PID1: variants seen among roughly 807,000 people sequenced by gnomAD.
PID1 encodes phosphotyrosine interaction domain containing 1.
A neutral mutation model predicts 19.1 loss-of-function variants in PID1; 10 were observed. The ratio of observed to expected loss-of-function variants is 0.52; its 90% CI spans 0.32 to 0.89. The LOEUF (loss-of-function observed/expected upper bound fraction) is 0.89, where lower values mean the gene tolerates loss of function less well. PID1 is among the 40% of genes least tolerant of loss of function. The pLI, the probability that PID1 is intolerant of heterozygous loss-of-function variation, is 0.03. For synonymous variants in PID1, 130 were observed against 116.0 expected (o/e 1.12, Z -0.78); for missense variants, 248 against 285.3 (o/e 0.87, Z 0.94).
intron 1 of PID1, among the ~76,000 whole-genome samples, chr2:229,172,806 A>AGTGAG (rs1690737335): frequency 1.3e-5 from 2 of 152,114 alleles, no homozygotes; most frequent in Non-Finnish European, 2.9e-5. Context: ...ATCTCAGCTC[A>AGTGAG]CTGTAACCTC....
intron 1 of PID1, among the ~76,000 whole-genome samples, chr2:229,212,100 G>A (rs1294141796): frequency 2.4e-3 from 8 of 3,386 alleles, no homozygotes; most frequent in African/African-American, 2.6e-3. Flanking sequence ...TGTAAAGTTA[G>A]GTCTTTATTA....
Position 229,193,328 on chromosome 2 carries a change from T to C in PID1, c.31-37364A>G, listed in dbSNP as rs139674928. 1.1e-3 allele frequency among the ~76,000 whole-genome samples: 160 copies of C among 152,322 alleles called. 1 individual carries two copies. Among genetic ancestry groups the C allele is most frequent in the African/African-American group, 3.6e-3 (151 of 41,568 alleles). On this transcript the variant is annotated intron_variant, in intron 1 of 2. Transcript: ENST00000392055. ...TCTTGGGATAGTCAGACTTTGTTCA[T>C]GGTGGCTCAGAGCTTCCAGAGAGCT...
At chr2:229,207,019 C>T (rs1691624017) in intron 1 of PID1, among the ~76,000 whole-genome samples, 1 of 152,114 alleles carries the variant, frequency 6.6e-6, no homozygotes, top group Non-Finnish European at 1.5e-5. Flanking sequence ...TGGGAGATGA[C>T]TAAGTTTTGA....
rs181501796 is a variant in PID1 at position 229,095,148 on chromosome 2, G to A, written c.177+60670C>T. Among the ~76,000 whole-genome samples, 12 of 152,176 alleles carry A rather than the reference G, an allele frequency of 7.9e-5. No individual in the cohort carries two copies. In the East Asian group the frequency reaches 2.3e-3, roughly 29 times the overall value. On this transcript the variant is annotated intron_variant, in intron 2 of 2. Transcript: ENST00000392055. ...CCCTAACCTAAACCACACAAACACA[G>A]AGAGACCCCGGTTTCTCCTCTTAGA...
At chr2:229,051,010 C>T (rs73099435) in intron 2 of PID1, among the ~76,000 whole-genome samples, 23,342 of 152,034 alleles carry the variant, frequency 0.15, 2,726 homozygotes, top group African/African-American at 0.31. Flanking sequence ...GGCAGGAAGG[C>T]CAGTTGAAAA....
intron 2 of PID1, among the ~76,000 whole-genome samples, chr2:229,028,825 G>C (rs1693482025): frequency 6.6e-6 from 1 of 152,142 alleles, no homozygotes; most frequent in South Asian, 2.1e-4. Flanking sequence ...AGCGTATTAT[G>C]AGCTGTTGCC....
Position 229,139,146 on chromosome 2 carries a change from A to AAGC in PID1, c.177+16671_177+16672insGCT, listed in dbSNP as rs1689955941. On this transcript the variant is annotated intron_variant, in intron 2 of 2. Coordinates refer to ENST00000392055, the MANE Select transcript of PID1 (RefSeq NM_001100818.2). ...GAAAGAAAGAAAGAAAGAAAGAAAGAAAGCAAGCGAGCGAGCAAGCGAGCT... is the reference window on the plus strand; with the variant it reads ...GAAAGAAAGAAAGAAAGAAAGAAAGAAGCAAGCAAGCGAGCGAGCAAGCGAGCT... Among the ~76,000 whole-genome samples the AAGC allele has an allele frequency of 1.1e-4, 12 of 109,034 alleles. 1 individual carries two copies. Among genetic ancestry groups the AAGC allele is most frequent in the South Asian group, 4.5e-4 (1 of 2,212 alleles). The allele number at this position is 109,034 out of a possible 152,430, so 71.5% of individuals were successfully genotyped here. A position where few individuals can be genotyped will look rare whatever the true frequency, so the allele number is the denominator to read the frequency against.
At chr2:229,210,341 T>A (rs1273281251) in intron 1 of PID1, among the ~76,000 whole-genome samples, 1 of 150,846 alleles carries the variant, frequency 6.6e-6, no homozygotes, top group African/African-American at 2.4e-5. Flanking sequence ...TGAAACCCCG[T>A]CTCTATTAAA....
At chr2:229,089,966 A>G (rs535638554) in intron 2 of PID1, among the ~76,000 whole-genome samples, 12 of 152,340 alleles carry the variant, frequency 7.9e-5, no homozygotes, top group African/African-American at 2.6e-4. Flanking sequence ...TTTCTAAGTA[A>G]GTAAAAAACC....
chr2:229,161,906 A>G (rs1690499477), intron 1 of PID1, among the ~76,000 whole-genome samples: 1 of 152,228 alleles, frequency 6.6e-6, no homozygotes, highest in South Asian at 2.1e-4. Flanking sequence ...CATGTCAAAA[A>G]CAGTATCAGT....
intron 2 of PID1, among the ~76,000 whole-genome samples, chr2:229,138,752 C>T (rs1689908405): frequency 2.0e-5 from 3 of 151,852 alleles, no homozygotes; most frequent in African/African-American, 7.2e-5. Flanking sequence ...TAGTGTATTT[C>T]ACTTCCTGGA....
At chr2:229,220,916 A>T (rs2106258309) in intron 1 of PID1, among the ~76,000 whole-genome samples, 1 of 152,016 alleles carries the variant, frequency 6.6e-6, no homozygotes, top group East Asian at 1.9e-4. Context: ...GAAAAAAAAA[A>T]TTTAAAAAAA....
At chr2:229,198,480 A>T (rs1292550048) in intron 1 of PID1, among the ~76,000 whole-genome samples, 3 of 152,056 alleles carry the variant, frequency 2.0e-5, no homozygotes, top group Non-Finnish European at 4.4e-5. Flanking sequence ...ATCCTCTGTG[A>T]TCCAGGTTCC....
At chr2:229,123,861 CTTTTT>C (rs1370697932) in intron 2 of PID1, among the ~76,000 whole-genome samples, 1 of 152,124 alleles carries the variant, frequency 6.6e-6, no homozygotes, top group Non-Finnish European at 1.5e-5. Context: ...TTAGTTGGTT[CTTTTT>C]TTATTATTCA....
intron 1 of PID1, among the ~76,000 whole-genome samples, chr2:229,225,456 G>A (rs1692057636): frequency 6.6e-6 from 1 of 152,100 alleles, no homozygotes; most frequent in African/African-American, 2.4e-5. Flanking sequence ...GAAGCAACTG[G>A]AGAAAGACAT....
intron 1 of PID1, among the ~76,000 whole-genome samples, chr2:229,217,648 G>C (rs1299651581): frequency 6.6e-6 from 1 of 152,078 alleles, no homozygotes; most frequent in Admixed American, 6.5e-5. Flanking sequence ...TATAAAGAAG[G>C]TCTCCAAAAG....
At chr2:229,267,273 A>G (rs192714990) in intron 1 of PID1, among the ~76,000 whole-genome samples, 2 of 152,338 alleles carry the variant, frequency 1.3e-5, no homozygotes, top group Admixed American at 1.3e-4. Flanking sequence ...GTACACAGAC[A>G]TTGGCCACAA....
intron 1 of PID1, among the ~76,000 whole-genome samples, chr2:229,179,739 T>G (rs778478688): frequency 2.0e-5 from 3 of 152,176 alleles, no homozygotes; most frequent in Non-Finnish European, 4.4e-5. Context: ...AAATGCCAGA[T>G]TTTATCTAGC....
intron 2 of PID1, among the ~76,000 whole-genome samples, chr2:229,124,725 A>AT (rs1237759432): frequency 6.6e-6 from 1 of 152,118 alleles, no homozygotes; most frequent in East Asian, 1.9e-4. Context: ...TATTCAATTT[A>AT]TTTTTTAATG....
Sources: gnomAD v4.1 joint callset for allele counts (sites outside exome capture counted in the v4.1 genomes callset) on GRCh38, gnomAD v4.1.1 for gene constraint, MANE v1.5 for transcripts, NCBI Gene and HGNC (gene_info 2026-07-23, HGNC 2026-07-21) for gene names.